Variants in CBLB observed in about 807,000 individuals in gnomAD.
CBLB encodes Cbl proto-oncogene B.
CBLB carries 31 observed loss-of-function variants against 104.9 expected under a neutral mutation model. That is an observed-to-expected ratio of 0.30 (90% CI 0.22 to 0.40). The LOEUF is 0.40. Ranked by LOEUF, CBLB falls within the 10% of genes least tolerant of loss-of-function variation. The probability of loss-of-function intolerance (pLI) is 1.00; values close to 1 mark genes in which losing one functional copy is unlikely to be tolerated. For synonymous variants in CBLB, 440 were observed against 422.6 expected (o/e 1.04, Z -0.51); for missense variants, 1,062 against 1,214.6 (o/e 0.87, Z 1.87).
At chr3:105,847,374 A>G (rs2090380486) in intron 3 of CBLB, among the ~76,000 whole-genome samples, 1 of 149,324 alleles carries the variant, frequency 6.7e-6, no homozygotes, top group Non-Finnish European at 1.5e-5. Flanking sequence ...TTTTAACTAC[A>G]GAACATGTAA....
At chr3:105,665,464 T>C (rs564491874) in intron 18 of CBLB, among the ~76,000 whole-genome samples, 53 of 141,536 alleles carry the variant, frequency 3.7e-4, no homozygotes, top group African/African-American at 1.2e-3. Flanking sequence ...CACATATATA[T>C]ACACACACAC....
At chr3:105,865,063 G>A (rs1476045240) in intron 2 of CBLB, among the ~76,000 whole-genome samples, 1 of 152,076 alleles carries the variant, frequency 6.6e-6, no homozygotes, top group Non-Finnish European at 1.5e-5. Context: ...TGCTATTGCA[G>A]TTATTTTTTT....
intron 3 of CBLB, among the ~76,000 whole-genome samples, chr3:105,820,298 A>G (rs1277711654): frequency 6.6e-6 from 1 of 152,206 alleles, no homozygotes; most frequent in East Asian, 1.9e-4. Context: ...AGCTGCCTTC[A>G]TTCGCCCACC....
chr3:105,818,902 AAAAT>A, intron 3 of CBLB, among the ~76,000 whole-genome samples: 1 of 152,312 alleles, frequency 6.6e-6, no homozygotes, highest in East Asian at 1.9e-4. Flanking sequence ...TTTGTAAAAA[AAAAT>A]AAAATGGCTA....
intron 3 of CBLB, among the ~76,000 whole-genome samples, chr3:105,787,622 G>A (rs1313632463): frequency 6.6e-6 from 1 of 152,150 alleles, no homozygotes; most frequent in Non-Finnish European, 1.5e-5. Flanking sequence ...AGTACAATAG[G>A]CTATATGATA....
At chr3:105,740,135 A>G (rs2075381793) in intron 7 of CBLB, among the ~76,000 whole-genome samples, 1 of 152,122 alleles carries the variant, frequency 6.6e-6, no homozygotes, top group Admixed American at 6.5e-5. Context: ...TGAAACTAGT[A>G]TTCTAAGGGT....
intron 3 of CBLB, among the ~76,000 whole-genome samples, chr3:105,818,714 A>T (rs1310816251): frequency 6.6e-6 from 1 of 152,192 alleles, no homozygotes; most frequent in Non-Finnish European, 1.5e-5. Flanking sequence ...AATTCTTTAA[A>T]CAATAAATTA....
intron 3 of CBLB, among the ~76,000 whole-genome samples, chr3:105,850,399 G>C (rs1417405957): frequency 6.6e-6 from 1 of 151,988 alleles, no homozygotes; most frequent in Non-Finnish European, 1.5e-5. Flanking sequence ...AGAAATATTA[G>C]AGGTTTCTTA....
At position 105,667,347 on chromosome 3, in the gene CBLB, C is replaced by T. The variant is rs1202429943; in HGVS notation, c.2689+2886G>A. Among the ~76,000 whole-genome samples the T allele has an allele frequency of 2.0e-5, 3 of 152,190 alleles. No individual in the cohort carries two copies. The East Asian group carries it at 5.8e-4, about 29-fold the overall frequency. On this transcript the variant is annotated intron_variant, in intron 18 of 18. Transcript: ENST00000394030. ...GTATTCAAACTGTAGTACAATATGT[C>T]TTACAACAAGAGAAAAGCAAACTGA...
chr3:105,701,979 C>T, intron 12 of CBLB, 115 bp downstream of exon 12: 7 of 1,090,828 alleles, frequency 6.4e-6, no homozygotes, highest in Non-Finnish European at 9.7e-6. Flanking sequence ...TAATTAAAGA[C>T]TTACAGGGAA....
chr3:105,718,136 G>A (rs2072197233), intron 10 of CBLB, among the ~76,000 whole-genome samples: 1 of 151,716 alleles, frequency 6.6e-6, no homozygotes, highest in South Asian at 2.1e-4. Flanking sequence ...ATTTTTTCTT[G>A]TTCATCCTTC....
At chr3:105,828,078 C>G (rs1275553115) in intron 3 of CBLB, among the ~76,000 whole-genome samples, 1 of 152,200 alleles carries the variant, frequency 6.6e-6, no homozygotes, top group Non-Finnish European at 1.5e-5. Context: ...GGCTCCTTCT[C>G]CCATCCCTGT....
intron 9 of CBLB, among the ~76,000 whole-genome samples, chr3:105,721,925 T>C (rs1027312347): frequency 4.6e-5 from 7 of 152,078 alleles, no homozygotes; most frequent in Admixed American, 3.3e-4. Flanking sequence ...TAGGTGCCTA[T>C]AGTGGAATAC....
At chr3:105,769,363 A>G (rs1191488453) in intron 4 of CBLB, among the ~76,000 whole-genome samples, 1 of 152,182 alleles carries the variant, frequency 6.6e-6, no homozygotes. Flanking sequence ...GAAACGTGTC[A>G]GGCTCAAAAA....
At chr3:105,864,722 C>T (rs1368486280) in intron 2 of CBLB, among the ~76,000 whole-genome samples, 2 of 152,140 alleles carry the variant, frequency 1.3e-5, no homozygotes, top group Admixed American at 6.5e-5. Context: ...AAAAGCCTGC[C>T]CTCTGAAAAC....
rs958051096 is a variant in CBLB, at chr3:105,716,342, T to G, written c.1407+3705A>C. Among the ~76,000 whole-genome samples, 3 of 152,200 alleles carry G rather than the reference T, an allele frequency of 2.0e-5. No homozygotes were observed. In the South Asian group the frequency reaches 6.2e-4, roughly 32 times the overall value. On this transcript the variant is annotated intron_variant, in intron 10 of 18. Transcript: ENST00000394030. ...CTAAAGGAACATGTGTGCAGGAGTGTGCATTTATTAGTTCACTTAGTAAAT... is the reference window on the plus strand; with the variant it reads ...CTAAAGGAACATGTGTGCAGGAGTGGGCATTTATTAGTTCACTTAGTAAAT...
At chr3:105,682,189 C>A (rs567320554) in intron 14 of CBLB, 1 of 195,736 alleles carries the variant, frequency 5.1e-6, no homozygotes, top group Admixed American at 5.4e-5. Flanking sequence ...ATAGCAGTCT[C>A]AATGACTTTA....
intron 3 of CBLB, among the ~76,000 whole-genome samples, chr3:105,814,463 T>C (rs2084738856): frequency 6.6e-6 from 1 of 152,192 alleles, no homozygotes; most frequent in Admixed American, 6.6e-5. Context: ...ACTAAAATTG[T>C]TTAATCAATT....
At chr3:105,673,162 G>A (rs114928035) in intron 17 of CBLB, 7,641 of 150,116 alleles carry the variant, frequency 0.051, 281 homozygotes, top group Admixed American at 0.094. Flanking sequence ...TCTGCCTCCC[G>A]GGCACAAGCC....
Sources: gnomAD v4.1 joint callset for allele counts (sites outside exome capture counted in the v4.1 genomes callset) on GRCh38, gnomAD v4.1.1 for gene constraint, MANE v1.5 for transcripts, NCBI Gene and HGNC (gene_info 2026-07-23, HGNC 2026-07-21) for gene names.